ARHGAP44: variants seen among roughly 807,000 people sequenced by gnomAD.
ARHGAP44 encodes the protein Rho GTPase activating protein 44.
ARHGAP44 carries 43 observed loss-of-function variants against 106.8 expected under a neutral mutation model. That is an observed-to-expected ratio of 0.40 (90% CI 0.32 to 0.52). The LOEUF (loss-of-function observed/expected upper bound fraction) is 0.52. Ranked by LOEUF, ARHGAP44 falls within the 20% of genes least tolerant of loss-of-function variation. The pLI, the probability that ARHGAP44 is intolerant of heterozygous loss-of-function variation, is 0.48. For synonymous variants in ARHGAP44, 439 were observed against 410.3 expected (o/e 1.07, Z -0.85); for missense variants, 866 against 1,050.5 (o/e 0.82, Z 2.43).
intron 1 of ARHGAP44, among the ~76,000 whole-genome samples, chr17:12,829,380 G>C (rs2035021740): frequency 6.6e-6 from 1 of 152,026 alleles, no homozygotes; most frequent in South Asian, 2.1e-4. Flanking sequence ...GATGCCCTGG[G>C]CCTTCAGCAG....
chr17:12,970,773 C>T (rs2039510132), intron 16 of ARHGAP44, among the ~76,000 whole-genome samples: 1 of 152,218 alleles, frequency 6.6e-6, no homozygotes, highest in South Asian at 2.1e-4. Flanking sequence ...TGAACAGAAG[C>T]TTGTGAACTG....
intron 16 of ARHGAP44, among the ~76,000 whole-genome samples, chr17:12,965,700 C>A (rs868550872): frequency 1.3e-5 from 2 of 152,190 alleles, no homozygotes; most frequent in Non-Finnish European, 2.9e-5. Context: ...TGTTACAAGG[C>A]ACAGACCTCC....
intron 1 of ARHGAP44, among the ~76,000 whole-genome samples, chr17:12,800,078 A>G (rs1358225390): frequency 1.3e-5 from 2 of 152,234 alleles, no homozygotes; most frequent in Admixed American, 6.5e-5. Context: ...ATATCCTTAG[A>G]ATAACCCCTG....
chr17:12,854,757 G>C (rs367841540), intron 1 of ARHGAP44, among the ~76,000 whole-genome samples: 1 of 152,032 alleles, frequency 6.6e-6, no homozygotes. Flanking sequence ...TTGGGAGCTC[G>C]AGACCAGTCT....
chr17:12,831,268 G>A lies in ARHGAP44; in HGVS notation c.53+41377G>A, dbSNP rs111324460. 4.1e-4 allele frequency among the ~76,000 whole-genome samples: 63 copies of A among 152,226 alleles called. 1 individual carries two copies. The highest frequency in any genetic ancestry group is 1.4e-3 in the African/African-American group (59 of 41,538). ...AGTCCAGCAGTGAGACTTGGCTGCC[G>A]GACTCCAGACACCATGCTGTTCACC... On this transcript the variant is annotated intron_variant, in intron 1 of 20. Coordinates refer to ENST00000379672, the MANE Select transcript of ARHGAP44 (RefSeq NM_014859.6).
chr17:12,920,417 G>A (rs1269619498), intron 6 of ARHGAP44, among the ~76,000 whole-genome samples: 1 of 150,340 alleles, frequency 6.7e-6, no homozygotes, highest in African/African-American at 2.4e-5. Flanking sequence ...AGTTTTGGAA[G>A]GCGATGATGG....
intron 1 of ARHGAP44, among the ~76,000 whole-genome samples, chr17:12,886,922 A>C (rs2036896207): frequency 1.4e-5 from 2 of 146,152 alleles, no homozygotes; most frequent in South Asian, 4.3e-4. Context: ...TATGTTATTT[A>C]TGAAGTTGAG....
chr17:12,949,700 A>G lies in ARHGAP44; in HGVS notation c.1025A>G (p.Glu342Gly), dbSNP rs746129971. 1 of 1,613,556 alleles carries G rather than the reference A, an allele frequency of 6.2e-7. No individual in the cohort carries two copies. The highest frequency in any genetic ancestry group is 8.5e-7 in the Non-Finnish European group (1 of 1,179,804). ...RELPEPLMTF[E>G]LYDEWIQASN... is the part of the protein sequence containing the mutation. ...TTGCCAGAACCTCTTATGACCTTTG[A>G]ACTCTATGATGAGTGGATCCAGGCT... The change falls in exon 12 of 21, where the codon GAA becomes GGA. Residue 342 changes from glutamate to glycine, a missense_variant. Transcript: ENST00000379672. The surrounding 1 kb of genome is among the most constrained non-coding windows in gnomAD (Gnocchi z 4.1).
At chr17:12,878,160 G>A (rs2036615056) in intron 1 of ARHGAP44, among the ~76,000 whole-genome samples, 1 of 152,084 alleles carries the variant, frequency 6.6e-6, no homozygotes, top group South Asian at 2.1e-4. Context: ...CTTTAATATG[G>A]TAGTGGGATT....
rs990764350 is a variant in ARHGAP44, at chr17:12,812,626, C to T, written c.53+22735C>T. ...TGCTCAACATGTTATATGTATTTGA[C>T]CTAATTTCTGTAAAGAGAAATAATT... On this transcript the variant is annotated intron_variant, in intron 1 of 20. Coordinates refer to ENST00000379672, the MANE Select transcript of ARHGAP44 (RefSeq NM_014859.6). Among the ~76,000 whole-genome samples the T allele has an allele frequency of 3.9e-5, 6 of 152,194 alleles. No homozygotes were observed. The South Asian group carries it at 1.2e-3, about 32-fold the overall frequency.
At chr17:12,982,735 A>G (rs1440805118) in intron 19 of ARHGAP44, 1 of 152,236 alleles carries the variant, frequency 6.6e-6, no homozygotes, top group Non-Finnish European at 1.5e-5. Flanking sequence ...AGATGTTTGA[A>G]TAAGTTGACC....
intron 1 of ARHGAP44, among the ~76,000 whole-genome samples, chr17:12,845,988 A>G (rs191383105): frequency 3.3e-5 from 5 of 152,230 alleles, no homozygotes. Flanking sequence ...TAAAAAATCT[A>G]TTTAGGAAAA....
At chr17:12,954,033 A>C (rs9889646) in intron 13 of ARHGAP44, among the ~76,000 whole-genome samples, 4 of 150,430 alleles carry the variant, frequency 2.7e-5, no homozygotes, top group South Asian at 2.1e-4. Context: ...GACTATGTGC[A>C]TGCGCCACCA....
rs952303215 is a variant in ARHGAP44 at position 12,949,281 on chromosome 17, A to G, written c.973+30A>G. On this transcript the variant is annotated intron_variant, in intron 11 of 20. Transcript: ENST00000379672. This position sits in a 1 kb window ranked among gnomAD's most constrained non-coding sequence, Gnocchi z 4.1. Reference sequence around the variant, plus strand: ...GCACCTCTCAGCGCTCCTGTGTGCCATGGAGGCTCACAGGGAAGGGGTAGA... The same window carrying G: ...GCACCTCTCAGCGCTCCTGTGTGCCGTGGAGGCTCACAGGGAAGGGGTAGA... 5 of 1,539,594 alleles carry G rather than the reference A, an allele frequency of 3.2e-6. No individual in the cohort carries two copies. Among genetic ancestry groups the G allele is most frequent in the Admixed American group, 3.9e-5 (2 of 50,980 alleles).
At chr17:12,960,451 AG>A (rs2039234149) in intron 16 of ARHGAP44, among the ~76,000 whole-genome samples, 1 of 152,026 alleles carries the variant, frequency 6.6e-6, no homozygotes, top group South Asian at 2.1e-4. Context: ...TTGTAATCCC[AG>A]CTACTCAGGA....
chr17:12,806,247 G>T (rs1430126229), intron 1 of ARHGAP44, among the ~76,000 whole-genome samples: 1 of 152,174 alleles, frequency 6.6e-6, no homozygotes, highest in African/African-American at 2.4e-5. Flanking sequence ...TGGGGGCTTG[G>T]AAGAAAGTCC....
intron 1 of ARHGAP44, among the ~76,000 whole-genome samples, chr17:12,893,431 A>G (rs1198055151): frequency 2.0e-5 from 3 of 152,180 alleles, no homozygotes; most frequent in African/African-American, 4.8e-5. Context: ...GGGAAGGTGA[A>G]GAGATGCTTC....
chr17:12,830,278 G>T (rs2035045929), intron 1 of ARHGAP44, among the ~76,000 whole-genome samples: 1 of 151,916 alleles, frequency 6.6e-6, no homozygotes, highest in Non-Finnish European at 1.5e-5. Context: ...TATCTTTTTG[G>T]GTACTTTTGG....
intron 3 of ARHGAP44, among the ~76,000 whole-genome samples, chr17:12,903,292 A>C (rs1369328101): frequency 1.3e-5 from 2 of 152,012 alleles, no homozygotes; most frequent in Non-Finnish European, 2.9e-5. Context: ...TCATCTCAGA[A>C]ATGTCAGATT....
Sources: gnomAD v4.1 joint callset for allele counts (sites outside exome capture counted in the v4.1 genomes callset) on GRCh38, gnomAD v4.1.1 for gene constraint, Gnocchi (gnomAD v3.1) non-coding constraint, MANE v1.5 for transcripts, NCBI Gene and HGNC (gene_info 2026-07-23, HGNC 2026-07-21) for gene names.